RPS13: variants seen among roughly 807,000 people sequenced by gnomAD.
RPS13 encodes small ribosomal subunit protein uS15.
Under a neutral mutation model 24.6 loss-of-function variants are expected in RPS13, and 1 was observed. That is an observed-to-expected ratio of 0.04 (90% CI 0.01 to 0.19). RPS13 has a LOEUF of 0.19. Ranked by LOEUF, RPS13 falls within the 10% of genes least tolerant of loss-of-function variation. The pLI is 1.00. For synonymous variants in RPS13, 69 were observed against 65.3 expected (o/e 1.06, Z -0.27); for missense variants, 88 against 187.4 (o/e 0.47, Z 3.10).
chr11:17,077,055 C>T (rs1213690202), intron 3 of RPS13, 113 bp downstream of exon 3: 2 of 765,340 alleles, frequency 2.6e-6, no homozygotes. Context: ...ATGCCTCTAG[C>T]ACGGTGGCGA....
Position 17,075,514 on chromosome 11 carries a change from A to T in RPS13, c.261T>A (p.Asp87Glu). ...CTGCTTTCTTAATTAAATGGTAGAG[A>T]TCTTCAGGAAGATCAGGAGCAAGTC... ...SKGLAPDLPE[D>E]LYHLIKKAVA... The change falls in exon 4 of 6, where the codon GAT (aspartate) becomes GAA (glutamate). Residue 87 changes from aspartate (D) to glutamate (E), a missense_variant. Physicochemically the swap from Asp to Glu is conservative, Grantham distance 45. Coordinates refer to ENST00000525634, the MANE Select transcript of RPS13 (RefSeq NM_001017.3). The T allele has an allele frequency of 6.3e-7, 1 of 1,597,490 alleles. No homozygotes were observed. Among genetic ancestry groups the T allele is most frequent in the Non-Finnish European group, 8.5e-7 (1 of 1,175,364 alleles).
At chr11:17,077,308 G>A (rs1848036630) in intron 2 of RPS13, 62 bp from the exon 3 acceptor site, 21 of 1,575,502 alleles carry the variant, frequency 1.3e-5, no homozygotes, top group Non-Finnish European at 1.7e-5. Flanking sequence ...CAGAACAGCG[G>A]TCTCTCCTTC....
chr11:17,076,778 A>G, intron 3 of RPS13: 1 of 319,496 alleles, frequency 3.1e-6, no homozygotes, highest in Non-Finnish European at 6.0e-6. Flanking sequence ...ATAGAAGGTA[A>G]ACATTTGCTG....
intron 5 of RPS13, chr11:17,074,745 GCAA>G (rs776987808): frequency 1.5e-6 from 1 of 673,832 alleles, no homozygotes; most frequent in South Asian, 1.5e-5. Context: ...ATCATAGTGA[GCAA>G]TTCATGTGAA....
chr11:17,075,905 G>C, intron 3 of RPS13: 1 of 537,118 alleles, frequency 1.9e-6, no homozygotes, highest in Non-Finnish European at 3.5e-6. Flanking sequence ...GGATTAATGA[G>C]ATTCCACAGC....
chr11:17,076,301 G>C, intron 3 of RPS13: 1 of 232,620 alleles, frequency 4.3e-6, no homozygotes, highest in Non-Finnish European at 8.8e-6. Flanking sequence ...CAGGAGAATT[G>C]CTTGCTTGAA....
intron 3 of RPS13, chr11:17,076,338 C>T (rs532034979): frequency 1.3e-4 from 34 of 253,442 alleles, no homozygotes; most frequent in South Asian, 1.0e-3. Flanking sequence ...TGCAGTGAGC[C>T]GAGATCATAC....
chr11:17,077,579 A>ACCCC, intron 1 of RPS13, 40 bp downstream of exon 1: 1 of 487,340 alleles, frequency 2.1e-6, no homozygotes, highest in Non-Finnish European at 3.9e-6. Context: ...TCTTCCTCCC[A>ACCCC]CCCCCCGCCC....
Position 17,074,716 on chromosome 11 carries a change from G to C in RPS13, c.423-250C>G, listed in dbSNP as rs563219126. 18 of 687,122 alleles carry C rather than the reference G, an allele frequency of 2.6e-5. No individual in the cohort carries two copies. In the African/African-American group the frequency reaches 3.0e-4, roughly 11 times the overall value. The allele number at this position is 687,122 out of a possible 1,614,324, so 42.6% of individuals were successfully genotyped here. A position where few individuals can be genotyped will look rare whatever the true frequency, so the allele number is the denominator to read the frequency against. ...GAAAAACATTTCTGGTGGAAACTGC[G>C]AATGTCTGGCAACCAATCATCATAG... On this transcript the variant is annotated intron_variant, in intron 5 of 5. Transcript: ENST00000525634.
In RPS13 at chr11:17,077,611, G is replaced by A. The variant is rs755823851; in HGVS notation, c.23+8C>T. ...GCCCAGCAATCCGGCTTGATGCCCC[G>A]AGCTCACCCGGGAGCATGCATGCGA... On this transcript the variant is annotated splice_region_variant and intron_variant, in intron 1 of 5. Coordinates refer to ENST00000525634, the MANE Select transcript of RPS13 (RefSeq NM_001017.3). 6.9e-6 allele frequency: 11 copies of A among 1,593,824 alleles called. No individual in the cohort carries two copies. Among genetic ancestry groups the A allele is most frequent in the African/African-American group, 2.9e-5 (2 of 69,030 alleles).
chr11:17,076,307 T>C (rs917392237), intron 3 of RPS13: 18 of 238,576 alleles, frequency 7.5e-5, no homozygotes, highest in East Asian at 7.5e-4. Context: ...AATTGCTTGC[T>C]TGAACCCAGG....
chr11:17,077,506 G>C (rs750296954), intron 1 of RPS13, 29 bp from the exon 2 acceptor site: 8 of 1,613,852 alleles, frequency 5.0e-6, no homozygotes, highest in African/African-American at 1.3e-5. Context: ...TCGAGGTGAG[G>C]TGGCGGCTAG....
chr11:17,077,518 G>A (rs1179634535), intron 1 of RPS13, 41 bp from the exon 2 acceptor site: 1 of 1,613,518 alleles, frequency 6.2e-7, no homozygotes, highest in Non-Finnish European at 8.5e-7. Context: ...GGCGGCTAGT[G>A]CCAGAGCAGC....
At position 17,077,253 on chromosome 11, in the gene RPS13, T is replaced by C. The variant is rs191499881; in HGVS notation, c.73-7A>G. On this transcript the variant is annotated splice_polypyrimidine_tract_variant and splice_region_variant and intron_variant, in intron 2 of 5. Coordinates refer to ENST00000525634, the MANE Select transcript of RPS13 (RefSeq NM_001017.3). ...CAGATGTCAACTTCAACCACTGTTA[T>C]GGAATAGAAAGCAGCCTTAGGATGA... The C allele has an allele frequency of 3.7e-5, 60 of 1,613,414 alleles. No individual in the cohort carries two copies. The African/African-American group carries it at 4.4e-4, about 12-fold the overall frequency.
intron 3 of RPS13, chr11:17,076,776 TA>T (rs909326422): frequency 6.3e-6 from 2 of 317,076 alleles, no homozygotes; most frequent in African/African-American, 4.3e-5. Context: ...ACATAGAAGG[TA>T]AACATTTGCT....
At position 17,074,439 on chromosome 11, in the gene RPS13, G is replaced by A. The variant is rs374198523; in HGVS notation, c.450C>T (p.Val150=). The change falls in exon 6 of 6, where the codon GTC becomes GTT. Residue 150 remains valine (V), a synonymous_variant. Transcript: ENST00000525634. ...CTTGAGTACACAGACAAATTTATGC[G>A]ACCAGGGCAGAGGCTGTAGATGATT... ...KYESSTASAL[V]A 6.0e-5 allele frequency: 96 copies of A among 1,611,088 alleles called. No individual in the cohort carries two copies. The highest frequency in any genetic ancestry group is 4.7e-4 in the South Asian group (43 of 90,926).
intron 3 of RPS13, 117 bp from the exon 4 acceptor site, chr11:17,075,740 T>C (rs772595152): frequency 1.2e-6 from 1 of 807,154 alleles, no homozygotes; most frequent in East Asian, 2.5e-5. Flanking sequence ...GGTATACTTT[T>C]ATACATCACA....
intron 1 of RPS13, 68 bp downstream of exon 1, chr11:17,077,551 C>T (rs966349132): frequency 3.7e-6 from 6 of 1,612,168 alleles, no homozygotes; most frequent in Non-Finnish European, 5.1e-6. Flanking sequence ...CCCCTCGGCC[C>T]GCTGCCCACA....
At chr11:17,076,692 C>A (rs758378406) in intron 3 of RPS13, 27 of 308,784 alleles carry the variant, frequency 8.7e-5, no homozygotes, top group Non-Finnish European at 1.7e-4. Context: ...GGACTACAGG[C>A]ACATTGCGGC....
Sources: gnomAD v4.1 joint callset for allele counts on GRCh38, gnomAD v4.1.1 for gene constraint, MANE v1.5 for transcripts, NCBI Gene and HGNC (gene_info 2026-07-23, HGNC 2026-07-21) for gene names.